Variants in KAZN observed in about 807,000 individuals in gnomAD.
KAZN encodes the protein kazrin.
KAZN carries 40 observed loss-of-function variants against 87.4 expected under a neutral mutation model. That is an observed-to-expected ratio of 0.46 (90% CI 0.36 to 0.60). The LOEUF (loss-of-function observed/expected upper bound fraction) is 0.60. KAZN is among the 20% of genes least tolerant of loss of function. KAZN has a pLI of 0.00. For synonymous variants in KAZN, 466 were observed against 458.3 expected (o/e 1.02, Z -0.22); for missense variants, 898 against 1,073.9 (o/e 0.84, Z 2.29).
chr1:14,549,138 C>T (rs563066090), intron 2 of KAZN, among the ~76,000 whole-genome samples: 2 of 152,232 alleles, frequency 1.3e-5, no homozygotes, highest in East Asian at 1.9e-4. Flanking sequence ...AATAATTTTT[C>T]GGTAGAGTCT....
chr1:14,814,450 G>A (rs372126879), intron 1 of KAZN, among the ~76,000 whole-genome samples: 24 of 152,148 alleles, frequency 1.6e-4, no homozygotes, highest in African/African-American at 5.6e-4. Context: ...CCCTGAGCTC[G>A]TGATCCACCC....
intron 1 of KAZN, among the ~76,000 whole-genome samples, chr1:13,919,155 A>C (rs1639969612): frequency 6.6e-6 from 1 of 152,266 alleles, no homozygotes; most frequent in African/African-American, 2.4e-5. Flanking sequence ...TTCTCAGCAC[A>C]CAAAGTGCAC....
chr1:15,060,977 T>C (rs1638743288), intron 6 of KAZN: 1 of 152,266 alleles, frequency 6.6e-6, no homozygotes, highest in African/African-American at 2.4e-5. Context: ...CCACCTTGAA[T>C]TTTTGTTTTA....
At chr1:14,407,491 AAAG>A (rs1557696945) in intron 2 of KAZN, among the ~76,000 whole-genome samples, 1 of 152,292 alleles carries the variant, frequency 6.6e-6, no homozygotes, top group East Asian at 1.9e-4. Flanking sequence ...GCTCCAAAGA[AAAG>A]AAGGTGGAGG....
At chr1:14,792,962 G>A (rs1357394467) in intron 1 of KAZN, among the ~76,000 whole-genome samples, 3 of 139,012 alleles carry the variant, frequency 2.2e-5, no homozygotes, top group Admixed American at 7.3e-5. Context: ...GCAACAGAGT[G>A]AGACTCTGTC....
At chr1:15,073,604 C>T (rs907145055) in intron 8 of KAZN, among the ~76,000 whole-genome samples, 11 of 152,168 alleles carry the variant, frequency 7.2e-5, no homozygotes, top group Admixed American at 2.6e-4. Context: ...GAGTATCTGA[C>T]GCCCCAGGCC....
Position 14,139,945 on chromosome 1 carries a change from GT to G in KAZN, c.92-40489del, listed in dbSNP as rs1215781220. Among the ~76,000 whole-genome samples, 410 of 55,968 alleles carry G rather than the reference GT, an allele frequency of 7.3e-3. 2 individuals are homozygous for G. The highest frequency in any genetic ancestry group is 0.037 in the African/African-American group (374 of 9,984). The allele number at this position is 55,968 out of a possible 152,430, so 36.7% of individuals were successfully genotyped here. ...GAGGTAAATGTGTGTGTGTGTGTGT[GT>G]GTGTGTGTGTGTGTGTGTGTGTGGT... On this transcript the variant is annotated intron_variant, in intron 1 of 16. Transcript: ENST00000636203.
intron 2 of KAZN, among the ~76,000 whole-genome samples, chr1:14,273,106 T>C (rs1176087530): frequency 6.6e-6 from 1 of 152,112 alleles, no homozygotes; most frequent in Non-Finnish European, 1.5e-5. Flanking sequence ...AGACTAAGTC[T>C]GGCAATGTTG....
intron 2 of KAZN, among the ~76,000 whole-genome samples, chr1:14,238,915 G>A (rs535303544): frequency 3.3e-5 from 5 of 152,212 alleles, no homozygotes; most frequent in South Asian, 2.1e-4. Flanking sequence ...TGGCAAACAC[G>A]TTCTTGAAGC....
chr1:14,551,580 T>G (rs1184998137), intron 2 of KAZN, among the ~76,000 whole-genome samples: 1 of 152,226 alleles, frequency 6.6e-6, no homozygotes, highest in Non-Finnish European at 1.5e-5. Flanking sequence ...TGTACTCATG[T>G]TATCTGCTCC....
At chr1:14,857,126 A>G (rs1650215763) in intron 1 of KAZN, among the ~76,000 whole-genome samples, 1 of 151,168 alleles carries the variant, frequency 6.6e-6, no homozygotes, top group Non-Finnish European at 1.5e-5. Context: ...ACCTCGCACA[A>G]GGCGTTTTGC....
intron 2 of KAZN, among the ~76,000 whole-genome samples, chr1:14,446,702 G>A (rs911916774): frequency 1.3e-5 from 2 of 151,936 alleles, no homozygotes; most frequent in East Asian, 1.9e-4. Context: ...TTCTTCATTC[G>A]CAGGTAGCTC....
intron 1 of KAZN, among the ~76,000 whole-genome samples, chr1:14,174,809 G>A (rs1646033328): frequency 6.6e-6 from 1 of 152,176 alleles, no homozygotes; most frequent in Non-Finnish European, 1.5e-5. Flanking sequence ...GGTAGGTACT[G>A]TGACACGTGC....
intron 2 of KAZN, among the ~76,000 whole-genome samples, chr1:14,515,408 G>A (rs997233327): frequency 1.3e-5 from 2 of 152,212 alleles, no homozygotes; most frequent in African/African-American, 4.8e-5. Context: ...AGGAGGGATG[G>A]GAGCAGGGCA....
intron 1 of KAZN, among the ~76,000 whole-genome samples, chr1:14,919,326 T>A (rs1225967838): frequency 6.6e-6 from 1 of 152,184 alleles, no homozygotes; most frequent in Non-Finnish European, 1.5e-5. Context: ...ACAGGCGCGT[T>A]CCACCACACC....
intron 2 of KAZN, among the ~76,000 whole-genome samples, chr1:14,328,751 A>T (rs979609904): frequency 1.8e-5 from 1 of 56,868 alleles, no homozygotes; most frequent in African/African-American, 1.1e-4. Context: ...CCTAACTGAA[A>T]AAAAAAAAAA....
intron 2 of KAZN, among the ~76,000 whole-genome samples, chr1:14,586,586 G>GGT (rs1412326869): frequency 6.7e-6 from 1 of 148,812 alleles, no homozygotes; most frequent in East Asian, 2.0e-4. Flanking sequence ...GCTGGAGTGC[G>GGT]GTGGCACAAT....
intron 4 of KAZN, among the ~76,000 whole-genome samples, chr1:15,047,163 G>GCAT (rs1673646033): frequency 6.6e-6 from 1 of 152,204 alleles, no homozygotes; most frequent in African/African-American, 2.4e-5. Flanking sequence ...GTCTACCCAG[G>GCAT]GCTTGGAGGC....
intron 2 of KAZN, among the ~76,000 whole-genome samples, chr1:14,382,474 C>T (rs1379809284): frequency 1.1e-5 from 1 of 94,536 alleles, no homozygotes; most frequent in Non-Finnish European, 2.1e-5. Context: ...CCCCCTCCCC[C>T]CACCCCACAA....
Sources: allele counts gnomAD v4.1 joint callset (sites outside exome capture counted in the v4.1 genomes callset), GRCh38; gene constraint gnomAD v4.1.1; transcripts MANE v1.5; gene names NCBI Gene and HGNC (gene_info 2026-07-23, HGNC 2026-07-21).